PHACTR1: variants seen among roughly 807,000 people sequenced by gnomAD.
PHACTR1 encodes RPEL repeat containing 1.
In PHACTR1, 16 loss-of-function variants were observed where a neutral mutation model predicts 69.2. That is an observed-to-expected ratio of 0.23 (90% confidence interval 0.16 to 0.35). The LOEUF (loss-of-function observed/expected upper bound fraction) is 0.35. Among genes scored for constraint, PHACTR1 ranks in the 10% least tolerant of loss-of-function variants. The pLI is 1.00. For missense variants in PHACTR1, 510 were observed against 734.7 expected, an observed-to-expected ratio of 0.69 and a Z score of 3.54; for synonymous variants, 312 against 284.5, an observed-to-expected ratio of 1.10 and a Z score of -0.97.
intron 6 of PHACTR1, among the ~76,000 whole-genome samples, chr6:13,178,912 AT>A (rs933857449): frequency 1.3e-5 from 2 of 152,080 alleles, no homozygotes; most frequent in Non-Finnish European, 1.5e-5. Context: ...AATAATGTGA[AT>A]TTTTTAATGC....
At chr6:13,022,956 G>T (rs1411505517) in intron 4 of PHACTR1, among the ~76,000 whole-genome samples, 1 of 152,210 alleles carries the variant, frequency 6.6e-6, no homozygotes, top group East Asian at 1.9e-4. Context: ...GGCAAAAGTT[G>T]CAGTGAGCTG....
chr6:13,104,652 C>G (rs1815793329), intron 5 of PHACTR1, among the ~76,000 whole-genome samples: 2 of 152,088 alleles, frequency 1.3e-5, no homozygotes, highest in South Asian at 4.1e-4. Context: ...TCATTGTTGT[C>G]TAGGAGATCC....
intron 4 of PHACTR1, among the ~76,000 whole-genome samples, chr6:12,917,650 G>T (rs537571859): frequency 2.6e-5 from 4 of 152,256 alleles, no homozygotes; most frequent in African/African-American, 9.6e-5. Flanking sequence ...AGCTATTCAG[G>T]AGACAGAGGT....
chr6:13,105,124 G>A (rs961244759), intron 5 of PHACTR1, among the ~76,000 whole-genome samples: 2 of 152,184 alleles, frequency 1.3e-5, no homozygotes, highest in Non-Finnish European at 2.9e-5. Flanking sequence ...GCTTACACCT[G>A]TAATTCAACC....
intron 3 of PHACTR1, among the ~76,000 whole-genome samples, chr6:12,746,585 T>C (rs1765810601): frequency 6.6e-6 from 1 of 152,200 alleles, no homozygotes; most frequent in African/African-American, 2.4e-5. Context: ...TCTATGCCCA[T>C]TTTTGTCAAA....
intron 7 of PHACTR1, among the ~76,000 whole-genome samples, chr6:13,198,913 G>A (rs186816172): frequency 4.1e-4 from 63 of 152,306 alleles, no homozygotes; most frequent in Admixed American, 1.3e-3. Context: ...CTCTTTGCCT[G>A]ATGAGAACTT....
intron 10 of PHACTR1, among the ~76,000 whole-genome samples, chr6:13,240,540 A>G (rs890518181): frequency 5.9e-5 from 9 of 151,908 alleles, no homozygotes; most frequent in Non-Finnish European, 1.0e-4. Context: ...CACCCGCCCC[A>G]GGTTCAAGTG....
chr6:12,754,689 G>A (rs1767081544), intron 4 of PHACTR1, among the ~76,000 whole-genome samples: 1 of 152,192 alleles, frequency 6.6e-6, no homozygotes, highest in African/African-American at 2.4e-5. Flanking sequence ...TCGGCCTTCG[G>A]CATTCATGGG....
At chr6:13,056,985 G>A (rs1044797360) in intron 5 of PHACTR1, among the ~76,000 whole-genome samples, 1 of 152,174 alleles carries the variant, frequency 6.6e-6, no homozygotes, top group Non-Finnish European at 1.5e-5. Context: ...AGGCTCAGTT[G>A]AAAAGGAGTT....
chr6:13,067,965 G>A (rs879477391), intron 5 of PHACTR1, among the ~76,000 whole-genome samples: 1 of 152,120 alleles, frequency 6.6e-6, no homozygotes, highest in South Asian at 2.1e-4. Flanking sequence ...GAGTTATCTT[G>A]GCCAAGTTTT....
chr6:12,916,115 C>A (rs1453362078), intron 4 of PHACTR1, among the ~76,000 whole-genome samples: 3 of 152,118 alleles, frequency 2.0e-5, no homozygotes, highest in African/African-American at 7.2e-5. Flanking sequence ...TTTCCATAAG[C>A]CTAAAACTGC....
At chr6:13,197,339 C>T (rs906473540) in intron 7 of PHACTR1, among the ~76,000 whole-genome samples, 2 of 152,186 alleles carry the variant, frequency 1.3e-5, no homozygotes, top group Non-Finnish European at 2.9e-5. Context: ...GGCTAGATTT[C>T]AACCCTAAGG....
At chr6:13,281,370 A>G (rs1165548931) in intron 12 of PHACTR1, 4 of 331,772 alleles carry the variant, frequency 1.2e-5, no homozygotes, top group Non-Finnish European at 2.4e-5. Context: ...TCTGGGCAAT[A>G]TGGCGAAACC....
At position 13,283,193 on chromosome 6, in the gene PHACTR1, AGG is replaced by A; in HGVS notation, c.1510-227_1510-226del. The A allele has an allele frequency of 2.1e-6, 1 of 468,890 alleles. No individual in the cohort carries two copies. The highest frequency in any genetic ancestry group is 3.8e-6 in the Non-Finnish European group (1 of 265,436). 29.0% of individuals were successfully genotyped at this position (468,890 alleles called of 1,614,324 possible). Reference sequence around the variant, plus strand: ...AAGAGCTTGGCCTAGAGGGTATGTAAGGGATAACAAAGCTCTCTCTTAGGACC... The same window carrying A: ...AAGAGCTTGGCCTAGAGGGTATGTAAGATAACAAAGCTCTCTCTTAGGACC... On this transcript the variant is annotated intron_variant, in intron 12 of 14. Coordinates refer to ENST00000332995, the MANE Select transcript of PHACTR1 (RefSeq NM_030948.6). The surrounding 1 kb of genome is among the most constrained non-coding windows in gnomAD (Gnocchi z 4.7).
chr6:12,977,190 G>C, intron 4 of PHACTR1, among the ~76,000 whole-genome samples: 1 of 152,104 alleles, frequency 6.6e-6, no homozygotes, highest in East Asian at 1.9e-4. Flanking sequence ...GACCTCAGGT[G>C]ATCCACCTGC....
rs1266097903 is a variant in PHACTR1 at position 13,205,956 on chromosome 6, A to G, written c.806A>G (p.Gln269Arg). ...TACACAGCCCAGAAGAGTGGCCAGC[A>G]GGGTGTGGCCCAGCACCACCACACT... ...VSYTAQKSGQ[Q>R]GVAQHHHTVL... Residue 269 changes from glutamine to arginine, a missense_variant, in exon 8 of 15, where the codon CAG (glutamine) becomes CGG (arginine). By Grantham distance (43) the Gln-to-Arg change is conservative (BLOSUM62 1). Coordinates refer to ENST00000332995, the MANE Select transcript of PHACTR1 (RefSeq NM_030948.6). 3 of 1,614,030 alleles carry G rather than the reference A, an allele frequency of 1.9e-6. No homozygotes were observed. Among genetic ancestry groups the G allele is most frequent in the Non-Finnish European group, 1.7e-6 (2 of 1,179,896 alleles).
chr6:13,127,605 T>G (rs1264414651), intron 5 of PHACTR1, among the ~76,000 whole-genome samples: 2 of 152,118 alleles, frequency 1.3e-5, no homozygotes, highest in East Asian at 3.9e-4. Context: ...AGGTCACCAA[T>G]GGTCTTTGTA....
intron 7 of PHACTR1, among the ~76,000 whole-genome samples, chr6:13,195,664 A>G (rs1276965159): frequency 9.4e-5 from 14 of 149,244 alleles, no homozygotes. Flanking sequence ...AGGCTGAAGC[A>G]TGAAAATTGC....
intron 4 of PHACTR1, among the ~76,000 whole-genome samples, chr6:12,783,485 G>A (rs1028937878): frequency 1.3e-5 from 2 of 152,082 alleles, no homozygotes; most frequent in African/African-American, 4.8e-5. Context: ...GACAGCTGAG[G>A]TGCAATGTTT....
Sources: gnomAD v4.1 joint callset for allele counts (sites outside exome capture counted in the v4.1 genomes callset) on GRCh38, gnomAD v4.1.1 for gene constraint, Gnocchi (gnomAD v3.1) non-coding constraint, MANE v1.5 for transcripts, NCBI Gene and HGNC (gene_info 2026-07-23, HGNC 2026-07-21) for gene names.